Variants in TICRR observed in about 807,000 individuals in gnomAD.
TICRR encodes the protein treslin.
TICRR carries 132 observed loss-of-function variants against 178.1 expected under a neutral mutation model. The ratio of observed to expected loss-of-function variants is 0.74; its 90% CI spans 0.64 to 0.86. The LOEUF is 0.86. Among genes scored for constraint, TICRR ranks in the 40% least tolerant of loss-of-function variants. The pLI is 0.00. For synonymous variants in TICRR, 991 were observed against 900.7 expected (o/e 1.10, Z -1.79); for missense variants, 2,587 against 2,334.3 (o/e 1.11, Z -2.23).
chr15:89,577,985 T>C (rs1962655896), intron 1 of TICRR, among the ~76,000 whole-genome samples: 1 of 151,628 alleles, frequency 6.6e-6, no homozygotes, highest in Admixed American at 6.6e-5. Flanking sequence ...ACATTCCAGG[T>C]GAGGAGACAA....
At chr15:89,592,674 A>G (rs1962932608) in intron 5 of TICRR, among the ~76,000 whole-genome samples, 1 of 152,262 alleles carries the variant, frequency 6.6e-6, no homozygotes, top group Non-Finnish European at 1.5e-5. Context: ...TAAGTGATCA[A>G]GAGAAACAAA....
At position 89,599,425 on chromosome 15, in the gene TICRR, A is replaced by T. The variant is rs1963056086; in HGVS notation, c.2002A>T (p.Ile668Phe). 6.2e-7 allele frequency: 1 copy of T among 1,613,732 alleles called. No individual in the cohort carries two copies. The highest frequency in any genetic ancestry group is 8.5e-7 in the Non-Finnish European group (1 of 1,179,892). ...GTTGTATGCATGTGCTCGAAACATG[A>T]TCTCAACCGTTAAAATGTTCCTAAA... ...IMLYACARNM[I>F]STVKMFLKSK... Residue 668 changes from isoleucine to phenylalanine, a missense_variant, in exon 8 of 22, where the codon ATC (isoleucine) becomes TTC (phenylalanine). Physicochemically the swap from Ile to Phe is conservative, Grantham distance 21 (BLOSUM62 0). Coordinates refer to ENST00000268138, the MANE Select transcript of TICRR (RefSeq NM_152259.4).
chr15:89,620,516 G>A (rs1437894392), intron 18 of TICRR, among the ~76,000 whole-genome samples: 1 of 151,858 alleles, frequency 6.6e-6, no homozygotes, highest in Non-Finnish European at 1.5e-5. Flanking sequence ...CCAGATATGT[G>A]TTTTTATATT....
rs141002222 is a variant in TICRR at position 89,594,009 on chromosome 15, G to C, written c.1542-406G>C. 7.9e-3 allele frequency among the ~76,000 whole-genome samples: 1,202 copies of C among 152,218 alleles called. 18 individuals carry two copies. Among genetic ancestry groups the C allele is most frequent in the African/African-American group, 0.027 (1,141 of 41,514 alleles). On this transcript the variant is annotated intron_variant, in intron 5 of 21. Transcript: ENST00000268138. ...ATCCCAAATTAGTTTATTACAATGT[G>C]AAAGAATTATTCGAAGTCATTGCAA... is the stretch of plus-strand genomic sequence containing the variant.
chr15:89,623,580 A>G (rs2141983742), intron 19 of TICRR, 43 bp from the exon 20 acceptor site: 1 of 1,546,926 alleles, frequency 6.5e-7, no homozygotes, highest in East Asian at 2.3e-5. Flanking sequence ...AGAGATCATG[A>G]GTTATAATAT....
intron 18 of TICRR, among the ~76,000 whole-genome samples, chr15:89,620,059 T>C (rs1963399695): frequency 6.6e-6 from 1 of 152,232 alleles, no homozygotes; most frequent in Non-Finnish European, 1.5e-5. Context: ...CATGCTATCA[T>C]TATAGGTAGC....
At chr15:89,583,112 A>G in intron 2 of TICRR, 147 bp downstream of exon 2, 2 of 845,486 alleles carry the variant, frequency 2.4e-6, no homozygotes, top group Non-Finnish European at 1.8e-6. Context: ...ACATCAAGGC[A>G]AAATCAGAGA....
In TICRR at chr15:89,624,493, A is replaced by G; in HGVS notation, c.4183A>G (p.Ile1395Val). ...CRKTSDPRRSIVECQPDASAT... is the reference protein window; with the variant it reads ...CRKTSDPRRSVVECQPDASAT... Reference sequence around the variant, plus strand: ...AAAGACCTCTGATCCCAGAAGGAGCATCGTGGAGTGTCAGCCTGATGCCTC... The same window carrying G: ...AAAGACCTCTGATCCCAGAAGGAGCGTCGTGGAGTGTCAGCCTGATGCCTC... The change falls in exon 20 of 22, where the codon ATC becomes GTC. Residue 1395 changes from isoleucine to valine, a missense_variant. Ile to Val is a conservative substitution (Grantham distance 29). Transcript: ENST00000268138. The G allele has an allele frequency of 6.2e-7, 1 of 1,614,154 alleles. No homozygotes were observed. Among genetic ancestry groups the G allele is most frequent in the Non-Finnish European group, 8.5e-7 (1 of 1,180,052 alleles).
Position 89,624,269 on chromosome 15 carries a change from C to A in TICRR, c.3959C>A (p.Ser1320Tyr). ...KLFTSPLCDV[S>Y]KKSPFRKSKI... The stretch of plus-strand genomic sequence containing the variant: ...TTTACCTCTCCTTTATGTGATGTCT[C>A]CAAGAAGAGTCCATTTAGGAAATCT... The change falls in exon 20 of 22, where the codon TCC becomes TAC. Residue 1320 changes from serine (S) to tyrosine (Y), a missense_variant. Transcript: ENST00000268138. The A allele has an allele frequency of 6.2e-7, 1 of 1,614,192 alleles. No homozygotes were observed. Among genetic ancestry groups the A allele is most frequent in the Non-Finnish European group, 8.5e-7 (1 of 1,180,038 alleles).
chr15:89,599,158 T>C (rs8025002), intron 7 of TICRR, among the ~76,000 whole-genome samples, 166 bp from the exon 8 acceptor site: 124,713 of 150,274 alleles, frequency 0.83, 52,486 homozygotes, highest in Non-Finnish European at 0.92. Context: ...ACATACTAGA[T>C]GGCCAGCAGC....
At chr15:89,576,835 A>G (rs369736216) in intron 1 of TICRR, among the ~76,000 whole-genome samples, 8,014 of 127,534 alleles carry the variant, frequency 0.063, 628 homozygotes, top group African/African-American at 0.18. Context: ...ATATATATAT[A>G]TATATATATA....
At chr15:89,609,791 C>G (rs1596052653) in intron 15 of TICRR, among the ~76,000 whole-genome samples, 1 of 146,052 alleles carries the variant, frequency 6.8e-6, no homozygotes, top group African/African-American at 2.8e-5. Context: ...TTTCTAATCT[C>G]AGTTTCATTT....
At chr15:89,587,121 T>C (rs1962836417) in intron 4 of TICRR, among the ~76,000 whole-genome samples, 1 of 152,098 alleles carries the variant, frequency 6.6e-6, no homozygotes, top group African/African-American at 2.4e-5. Context: ...AAATTTGCTG[T>C]TAGATTAAAT....
rs755181279 is a variant in TICRR, at chr15:89,616,366, TAAATG to T, written c.2870-34_2870-30del. The T allele has an allele frequency of 5.1e-6, 8 of 1,581,178 alleles. No individual in the cohort carries two copies. In the Admixed American group the frequency reaches 1.3e-4, roughly 26 times the overall value. ...CCTTACTGCTGCTTCTTGATGAGGT[TAAATG>T]AAATTTATGATTTAAGCTGTGTTTA... is the stretch of plus-strand genomic sequence containing the variant. On this transcript the variant is annotated intron_variant, in intron 15 of 21. Transcript: ENST00000268138.
At chr15:89,597,674 C>T (rs1187490199) in intron 7 of TICRR, among the ~76,000 whole-genome samples, 1 of 152,170 alleles carries the variant, frequency 6.6e-6, no homozygotes, top group Non-Finnish European at 1.5e-5. Flanking sequence ...TTGGTACTAT[C>T]AGTCCTCAAA....
chr15:89,594,212 G>C (rs1414663447), intron 5 of TICRR, among the ~76,000 whole-genome samples: 1 of 152,164 alleles, frequency 6.6e-6, no homozygotes, highest in African/African-American at 2.4e-5. Context: ...TTGTGAACAA[G>C]ACAGCTTTGG....
In TICRR at chr15:89,584,444, G is replaced by T; in HGVS notation, c.1093G>T (p.Gly365Ter). ...TTTGGGCACTGACAGCTGGATGCTA[G>T]GAAGTCCAGAGGAGAGCACAGCAAC... ...STLGTDSWML[G>*]SPEESTATQR... is the part of the protein sequence containing the mutation. Residue 365 changes from glycine to a stop codon, truncating the protein, a stop_gained, in exon 3 of 22, where the codon GGA (glycine) becomes TGA (stop). Coordinates refer to ENST00000268138, the MANE Select transcript of TICRR (RefSeq NM_152259.4). LOFTEE classifies it high-confidence loss of function. 1 of 1,613,910 alleles carries T rather than the reference G, an allele frequency of 6.2e-7. No homozygotes were observed. Among genetic ancestry groups the T allele is most frequent in the Non-Finnish European group, 8.5e-7 (1 of 1,179,886 alleles).
chr15:89,595,590 C>T lies in TICRR; in HGVS notation c.1879C>T (p.Leu627=). 1 of 1,613,770 alleles carries T rather than the reference C, an allele frequency of 6.2e-7. No homozygotes were observed. The highest frequency in any genetic ancestry group is 8.5e-7 in the Non-Finnish European group (1 of 1,179,750). ...VDKLEDRGRT[L]RSSKPKDFKT... is the part of the protein sequence containing the mutation. ...TAAATTGGAAGACAGAGGAAGAACACTAAGAAGTTCTAAACCTAAAGGTAT... is the reference window on the plus strand; with the variant it reads ...TAAATTGGAAGACAGAGGAAGAACATTAAGAAGTTCTAAACCTAAAGGTAT... The change falls in exon 7 of 22, where the codon CTA becomes TTA. Residue 627 remains leucine (L), a synonymous_variant. Transcript: ENST00000268138.
At chr15:89,604,431 A>G (rs2141967729) in intron 13 of TICRR, among the ~76,000 whole-genome samples, 1 of 152,362 alleles carries the variant, frequency 6.6e-6, no homozygotes, top group East Asian at 1.9e-4. Context: ...TTTCTAGCAC[A>G]CTTTGAAACT....
Sources: allele counts gnomAD v4.1 joint callset (sites outside exome capture counted in the v4.1 genomes callset), GRCh38; gene constraint gnomAD v4.1.1; transcripts MANE v1.5; gene names NCBI Gene and HGNC (gene_info 2026-07-23, HGNC 2026-07-21).